The following TARBP1 variants were observed in gnomAD, a reference collection of about 807,000 sequenced individuals.
TARBP1 encodes the protein tRNA guanosine 2 -O-methyltransferase TARBP1, also known as tRNA (guanosine(18)-2'-O)-methyltransferase TARBP1.
A neutral mutation model predicts 178.6 loss-of-function variants in TARBP1; 144 were observed. The ratio of observed to expected loss-of-function variants is 0.81; its 90% CI spans 0.70 to 0.93. The LOEUF is 0.93. Among genes scored for constraint, TARBP1 ranks in the 40% least tolerant of loss-of-function variants. The pLI is 0.00. For missense variants in TARBP1, 2,067 were observed against 2,011.7 expected (o/e 1.03, Z -0.53); for synonymous variants, 787 against 781.0 (o/e 1.01, Z -0.13).
intron 7 of TARBP1, 70 bp from the exon 8 acceptor site, chr1:234,459,396 C>T: frequency 3.3e-5 from 41 of 1,235,326 alleles, no homozygotes; most frequent in Non-Finnish European, 4.5e-5. Context: ...TGATTATCAA[C>T]AAGTTGATTT....
chr1:234,433,743 C>T (rs756270850), intron 13 of TARBP1, among the ~76,000 whole-genome samples, 172 bp from the exon 14 acceptor site: 5 of 152,234 alleles, frequency 3.3e-5, no homozygotes, highest in African/African-American at 7.2e-5. Flanking sequence ...GAGCTAAGGA[C>T]TTCCTTCTCT....
intron 25 of TARBP1, among the ~76,000 whole-genome samples, chr1:234,399,478 C>G (rs952679643): frequency 2.0e-5 from 3 of 152,182 alleles, no homozygotes; most frequent in Middle Eastern, 6.8e-3. Context: ...GTCAGTGTGG[C>G]GATTCCTCAG....
chr1:234,458,981 C>G (rs270513), intron 8 of TARBP1, among the ~76,000 whole-genome samples: 55,866 of 152,038 alleles, frequency 0.37, 10,862 homozygotes, highest in African/African-American at 0.51. Flanking sequence ...ATTGAACAAA[C>G]ACTTTAGATA....
rs1409521739 is a variant in TARBP1, at chr1:234,433,486, C to T, written c.2318G>A (p.Gly773Asp). Residue 773 changes from glycine to aspartate, a missense_variant, in exon 14 of 30, where the codon GGT (glycine) becomes GAT (aspartate). Gly to Asp is a moderately conservative substitution (Grantham distance 94). Transcript: ENST00000040877. ...AGAAATAACTCTCCAGATAGGGTTA[C>T]CCCTTTTCCACCCAACCTTCAAATG... ...NLHLKVGWKR[G>D]NPIWRVISLL... The T allele has an allele frequency of 1.2e-6, 2 of 1,614,104 alleles. No homozygotes were observed. Among genetic ancestry groups the T allele is most frequent in the South Asian group, 1.1e-5 (1 of 91,084 alleles).
chr1:234,405,739 C>G lies in TARBP1; in HGVS notation c.3989+164G>C, dbSNP rs548591142. Among the ~76,000 whole-genome samples the G allele has an allele frequency of 5.9e-5, 9 of 152,014 alleles. No individual in the cohort carries two copies. The South Asian group carries it at 1.9e-3, about 32-fold the overall frequency. ...GACAATGAACTGTAATTAACTACAC[C>G]CCAAAGTGAGCTGCTTAGGCCTGGC... is the stretch of plus-strand genomic sequence containing the variant. On this transcript the variant is annotated intron_variant, in intron 24 of 29. Transcript: ENST00000040877.
intron 11 of TARBP1, among the ~76,000 whole-genome samples, 159 bp downstream of exon 11, chr1:234,448,321 T>C (rs991160986): frequency 6.6e-6 from 1 of 152,238 alleles, no homozygotes; most frequent in Non-Finnish European, 1.5e-5. Context: ...CTATTTGTTA[T>C]TAACTTTAAA....
In TARBP1 at chr1:234,430,043, GACA is replaced by G. The variant is rs748513970; in HGVS notation, c.2609+41_2609+43del. The G allele has an allele frequency of 5.2e-6, 8 of 1,552,466 alleles. No homozygotes were observed. In the Admixed American group the frequency reaches 8.9e-5, roughly 17 times the overall value. On this transcript the variant is annotated intron_variant, in intron 15 of 29. Coordinates refer to ENST00000040877, the MANE Select transcript of TARBP1 (RefSeq NM_005646.4). ...TGTTGGGCAATCATGAACTCACGGTGACAACAACAGAAATGGATTTTTAAGCCT... is the reference window on the plus strand; with the variant it reads ...TGTTGGGCAATCATGAACTCACGGTGACAACAGAAATGGATTTTTAAGCCT...
Position 234,478,345 on chromosome 1 carries a change from G to A in TARBP1, c.759C>T (p.Arg253=). 1.6e-6 allele frequency: 2 copies of A among 1,275,104 alleles called. No homozygotes were observed. Among genetic ancestry groups the A allele is most frequent in the Non-Finnish European group, 2.0e-6 (2 of 1,016,546 alleles). The allele number at this position is 1,275,104 out of a possible 1,614,324, so 79.0% of individuals were successfully genotyped here. A position where few individuals can be genotyped will look rare whatever the true frequency, so the allele number is the denominator to read the frequency against. The part of the protein sequence containing the change: ...EPGGDRARGA[R]EAGPDARRCW... The stretch of plus-strand genomic sequence containing the variant: ...AGCGCCGGGCGTCCGGGCCCGCCTC[G>A]CGCGCGCCGCGGGCGCGGTCGCCGC... The change falls in exon 1 of 30, where the codon CGC becomes CGT. Residue 253 remains arginine (R), a synonymous_variant. Coordinates refer to ENST00000040877, the MANE Select transcript of TARBP1 (RefSeq NM_005646.4).
In TARBP1 at chr1:234,425,803, T is replaced by A; in HGVS notation, c.3324-10A>T. The stretch of plus-strand genomic sequence containing the variant: ...GTCTTCTCTCTTAGTACTAAAAAAA[T>A]TAAATGATAAATTATGTTAATACAT... On this transcript the variant is annotated splice_polypyrimidine_tract_variant and intron_variant, in intron 19 of 29. Coordinates refer to ENST00000040877, the MANE Select transcript of TARBP1 (RefSeq NM_005646.4). The A allele has an allele frequency of 1.3e-6, 2 of 1,524,994 alleles. No individual in the cohort carries two copies. The highest frequency in any genetic ancestry group is 8.9e-7 in the Non-Finnish European group (1 of 1,120,594). 94.5% of individuals were successfully genotyped at this position (1,524,994 alleles called of 1,614,324 possible). A position where few individuals can be genotyped will look rare whatever the true frequency, so the allele number is the denominator to read the frequency against.
rs945326643 is a variant in TARBP1 at position 234,444,914 on chromosome 1, C to T, written c.2134+1889G>A. Reference sequence around the variant, plus strand: ...CTCAATGAAATCATTTCCATCAGCACATAAACATGGTTATATTCACCTCTT... The same window carrying T: ...CTCAATGAAATCATTTCCATCAGCATATAAACATGGTTATATTCACCTCTT... On this transcript the variant is annotated intron_variant, in intron 12 of 29. Coordinates refer to ENST00000040877, the MANE Select transcript of TARBP1 (RefSeq NM_005646.4). Among the ~76,000 whole-genome samples the T allele has an allele frequency of 3.5e-4, 53 of 151,994 alleles. 1 individual carries two copies. The highest frequency in any genetic ancestry group is 4.6e-4 in the Admixed American group (7 of 15,256).
chr1:234,408,580 T>C (rs573595248), intron 23 of TARBP1, among the ~76,000 whole-genome samples: 2 of 152,270 alleles, frequency 1.3e-5, no homozygotes, highest in South Asian at 2.1e-4. Context: ...CGAGATATTT[T>C]GCAGACCTGC....
At chr1:234,397,077 G>A (rs1660010883) in intron 26 of TARBP1, among the ~76,000 whole-genome samples, 1 of 149,472 alleles carries the variant, frequency 6.7e-6, no homozygotes, top group Admixed American at 6.7e-5. Context: ...GCTGGGGAGA[G>A]TCAGAATGAG....
In TARBP1 at chr1:234,472,730, G is replaced by C. The variant is rs752982941; in HGVS notation, c.1013C>G (p.Thr338Ser). The C allele has an allele frequency of 6.3e-7, 1 of 1,592,898 alleles. No homozygotes were observed. The highest frequency in any genetic ancestry group is 2.2e-5 in the East Asian group (1 of 44,472). The change falls in exon 2 of 30, where the codon ACT becomes AGT. Residue 338 changes from threonine to serine, a missense_variant. Coordinates refer to ENST00000040877, the MANE Select transcript of TARBP1 (RefSeq NM_005646.4). ...FWENYILIMETLEGNQIHVIK... is the reference protein window; with the variant it reads ...FWENYILIMESLEGNQIHVIK... ...AACACTTACCTGATTTCCTTCTAAA[G>C]TCTCCATAATTAAAATATAATTTTC...
rs1352244491 is a variant in TARBP1 at position 234,392,390 on chromosome 1, T to C, written c.4697+26A>G. On this transcript the variant is annotated intron_variant, in intron 29 of 29. Transcript: ENST00000040877. The stretch of plus-strand genomic sequence containing the variant: ...CCAGTAGTCTGGGGCTCAGAGAATA[T>C]ACTATGGACACAAGAAGCTTCTTAC... 3.1e-6 allele frequency: 5 copies of C among 1,609,194 alleles called. No individual in the cohort carries two copies. The Admixed American group carries it at 5.1e-5, about 16-fold the overall frequency.
Position 234,478,568 on chromosome 1 carries a change from T to C in TARBP1, c.536A>G (p.Asp179Gly). The C allele has an allele frequency of 1.5e-6, 2 of 1,292,432 alleles. No homozygotes were observed. The highest frequency in any genetic ancestry group is 2.0e-6 in the Non-Finnish European group (2 of 1,022,868). 80.1% of individuals were successfully genotyped at this position (1,292,432 alleles called of 1,614,324 possible). Residue 179 changes from aspartate (D) to glycine (G), a missense_variant, in exon 1 of 30, where the codon GAT (aspartate) becomes GGT (glycine). Asp to Gly is a moderately conservative substitution (Grantham distance 94). Coordinates refer to ENST00000040877, the MANE Select transcript of TARBP1 (RefSeq NM_005646.4). ...ALALGGGGDG[D>G]EAGPAEDAAA... ...CGCGTCCTCGGCAGGCCCGGCCTCA[T>C]CCCCGTCCCCGCCCCCGCCCAGCGC... is the stretch of plus-strand genomic sequence containing the variant.
chr1:234,437,135 GT>G (rs371767689), intron 13 of TARBP1, 139 bp downstream of exon 13: 28 of 435,722 alleles, frequency 6.4e-5, no homozygotes, highest in Middle Eastern at 6.3e-4. Flanking sequence ...AAAGTCTAAG[GT>G]TTTTTTTGCT....
intron 20 of TARBP1, among the ~76,000 whole-genome samples, chr1:234,425,174 G>A (rs1663589920): frequency 6.6e-6 from 1 of 151,860 alleles, no homozygotes; most frequent in Admixed American, 6.6e-5. Context: ...GCAGTGAGCC[G>A]AGATCCCAGA....
chr1:234,429,980 G>A, intron 15 of TARBP1, 107 bp downstream of exon 15: 3 of 1,133,198 alleles, frequency 2.6e-6, no homozygotes, highest in Non-Finnish European at 3.8e-6. Context: ...CATCCTGAAT[G>A]GAGCTTCAGC....
chr1:234,412,745 C>A (rs926578801), intron 22 of TARBP1, among the ~76,000 whole-genome samples: 16 of 152,110 alleles, frequency 1.1e-4, no homozygotes, highest in Non-Finnish European at 2.1e-4. Context: ...GTGTAAAGGG[C>A]ACAACATGTG....
Sources: allele counts gnomAD v4.1 joint callset (sites outside exome capture counted in the v4.1 genomes callset), GRCh38; gene constraint gnomAD v4.1.1; transcripts MANE v1.5; gene names NCBI Gene and HGNC (gene_info 2026-07-23, HGNC 2026-07-21).